Variants in SS18 observed in about 807,000 individuals in gnomAD.
The protein encoded by SS18 is protein SSXT.
SS18 carries 28 observed loss-of-function variants against 72.5 expected under a neutral mutation model. The ratio of observed to expected loss-of-function variants is 0.39; its 90% CI spans 0.29 to 0.53. The LOEUF is 0.53. Ranked by LOEUF, SS18 falls within the 20% of genes least tolerant of loss-of-function variation. SS18 has a pLI of 0.76. For synonymous variants in SS18, 172 were observed against 164.2 expected (o/e 1.05, Z -0.37); for missense variants, 518 against 535.3 (o/e 0.97, Z 0.32).
chr18:26,016,826 T>C lies in SS18; in HGVS notation c.*1528A>G, dbSNP rs748449049. 3 of 231,510 alleles carry C rather than the reference T, an allele frequency of 1.3e-5. No homozygotes were observed. The highest frequency in any genetic ancestry group is 2.6e-5 in the Non-Finnish European group (3 of 116,818). The allele number at this position is 231,510 out of a possible 1,614,324, so 14.3% of individuals were successfully genotyped here. A position where few individuals can be genotyped will look rare whatever the true frequency, so the allele number is the denominator to read the frequency against. Reference sequence around the variant, plus strand: ...CTCTCATACACACACAGAGACCCACTGAAATTCCTCCTTTTGATTACAGTA... The same window carrying C: ...CTCTCATACACACACAGAGACCCACCGAAATTCCTCCTTTTGATTACAGTA... On this transcript the variant is annotated 3_prime_UTR_variant, in exon 11 of 11. Transcript: ENST00000415083.
In SS18 at chr18:26,057,657, G is replaced by A; in HGVS notation, c.317C>T (p.Ser106Leu). 1 of 1,614,168 alleles carries A rather than the reference G, an allele frequency of 6.2e-7. No individual in the cohort carries two copies. Among genetic ancestry groups the A allele is most frequent in the Non-Finnish European group, 8.5e-7 (1 of 1,180,026 alleles). The change falls in exon 4 of 11, where the codon TCA (serine) becomes TTA (leucine). Residue 106 changes from serine (S) to leucine (L), a missense_variant. Ser to Leu is a moderately radical substitution (Grantham distance 145, BLOSUM62 -2). Transcript: ENST00000415083. ...AGGACCCCCACCTACCATTCCATCT[G>A]AAGGCATGTTGTGAGAGCGTGGAGG... ...PPPPRSHNMP[S>L]DGMVGGGPPA...
intron 10 of SS18, among the ~76,000 whole-genome samples, chr18:26,027,703 A>AGCC (rs59848344): frequency 8.0e-6 from 1 of 124,698 alleles, no homozygotes; most frequent in Admixed American, 7.8e-5. Context: ...AAAAAAAAAA[A>AGCC]AGTCTTTTCA....
intron 2 of SS18, among the ~76,000 whole-genome samples, chr18:26,085,095 T>A (rs1210789000): frequency 6.6e-6 from 1 of 152,224 alleles, no homozygotes; most frequent in Non-Finnish European, 1.5e-5. Flanking sequence ...GGCTATGTAA[T>A]CGTTTGAAAA....
chr18:26,054,554 T>A (rs982399881), intron 4 of SS18, among the ~76,000 whole-genome samples: 6 of 151,938 alleles, frequency 3.9e-5, no homozygotes, highest in Non-Finnish European at 5.9e-5. Flanking sequence ...AAAAAGAACA[T>A]GATAGAGACC....
At chr18:26,080,314 T>TC in intron 2 of SS18, 1 of 985,140 alleles carries the variant, frequency 1.0e-6, no homozygotes, top group Non-Finnish European at 1.2e-6. Context: ...CCTGTTTCAG[T>TC]CTAGGCCTTC....
rs61731053 is a variant in SS18, at chr18:26,039,344, T to A, written c.720A>T (p.Gln240His). Residue 240 changes from glutamine to histidine, a missense_variant, in exon 6 of 11, where the codon CAA becomes CAT. Coordinates refer to ENST00000415083, the MANE Select transcript of SS18 (RefSeq NM_001007559.3). ...PPMGMMGQVN[Q>H]GNHMMGQRQI... ...GTCTCTGACCCATCATATGATTGCCTTGGTTAACTTGACCCATCATTCCCA... is the reference window on the plus strand; with the variant it reads ...GTCTCTGACCCATCATATGATTGCCATGGTTAACTTGACCCATCATTCCCA... 1 of 1,613,870 alleles carries A rather than the reference T, an allele frequency of 6.2e-7. No homozygotes were observed. Among genetic ancestry groups the A allele is most frequent in the Admixed American group, 1.7e-5 (1 of 59,988 alleles).
chr18:26,041,624 A>G (rs2053725325), intron 5 of SS18, among the ~76,000 whole-genome samples: 1 of 152,200 alleles, frequency 6.6e-6, no homozygotes, highest in Non-Finnish European at 1.5e-5. Flanking sequence ...TTTTCAGTAA[A>G]TGAAGGTTTT....
chr18:26,030,228 T>A lies in SS18; in HGVS notation c.1230+2171A>T, dbSNP rs368606351. 5.1e-4 allele frequency among the ~76,000 whole-genome samples: 77 copies of A among 152,298 alleles called. 3 individuals are homozygous for A. The East Asian group carries it at 8.9e-3, about 18-fold the overall frequency. On this transcript the variant is annotated intron_variant, in intron 10 of 10. Coordinates refer to ENST00000415083, the MANE Select transcript of SS18 (RefSeq NM_001007559.3). ...ACCTCTCTCCAGTCTTGTCTCTTCT[T>A]CCCCATGCTTCTGCTTTACTGAACT... is the stretch of plus-strand genomic sequence containing the variant.
chr18:26,067,010 A>G (rs1180908363), intron 3 of SS18, among the ~76,000 whole-genome samples: 2 of 152,214 alleles, frequency 1.3e-5, no homozygotes, highest in Non-Finnish European at 2.9e-5. Context: ...TTGGTATATA[A>G]AAAGTTTTGT....
chr18:26,080,754 A>C (rs1219053042), intron 2 of SS18, among the ~76,000 whole-genome samples: 1 of 152,166 alleles, frequency 6.6e-6, no homozygotes, highest in Non-Finnish European at 1.5e-5. Flanking sequence ...GTATTTTACC[A>C]CATTTTTCCT....
chr18:26,056,633 C>T (rs1433101008), intron 4 of SS18, among the ~76,000 whole-genome samples: 1 of 152,208 alleles, frequency 6.6e-6, no homozygotes, highest in Non-Finnish European at 1.5e-5. Flanking sequence ...GACACCAATG[C>T]TATCAATCAA....
At chr18:26,067,880 G>C (rs939307706) in intron 3 of SS18, among the ~76,000 whole-genome samples, 1 of 152,188 alleles carries the variant, frequency 6.6e-6, no homozygotes, top group African/African-American at 2.4e-5. Context: ...CCGGATGGTG[G>C]GAGGGGCAGG....
chr18:26,065,886 T>C (rs1425210741), intron 3 of SS18, among the ~76,000 whole-genome samples: 1 of 146,510 alleles, frequency 6.8e-6, no homozygotes, highest in African/African-American at 2.5e-5. Context: ...AATTTAAAAA[T>C]GGGCAGAAAA....
At chr18:26,090,263 G>A (rs1320633265) in intron 1 of SS18, 1 of 544,686 alleles carries the variant, frequency 1.8e-6, no homozygotes, top group Non-Finnish European at 3.2e-6. Context: ...GCGGCTGTTT[G>A]GGCTTTTGTG....
rs73403595 is a variant in SS18, at chr18:26,087,461, C to T, written c.146+40G>A. 2.4e-3 allele frequency: 2,926 copies of T among 1,205,994 alleles called. 51 individuals are homozygous for T. The African/African-American group carries it at 0.04, about 17-fold the overall frequency. 74.7% of individuals were successfully genotyped at this position (1,205,994 alleles called of 1,614,324 possible). The stretch of plus-strand genomic sequence containing the variant: ...GTAAAAAGTAAAAAATTAACCAATA[C>T]AAAAAACTGAATAAAAAAAAAGTTT... On this transcript the variant is annotated intron_variant, in intron 2 of 10. Coordinates refer to ENST00000415083, the MANE Select transcript of SS18 (RefSeq NM_001007559.3).
intron 10 of SS18, among the ~76,000 whole-genome samples, chr18:26,029,110 T>C (rs9956166): frequency 0.055 from 8,413 of 152,134 alleles, 683 homozygotes; most frequent in African/African-American, 0.18. Flanking sequence ...GGGCAGCAAA[T>C]ACAAAGATTC....
rs542560504 is a variant in SS18, at chr18:26,057,205, T to A, written c.385+384A>T. Among the ~76,000 whole-genome samples, 312 of 152,358 alleles carry A rather than the reference T, an allele frequency of 2.0e-3. 1 individual carries two copies. Among genetic ancestry groups the A allele is most frequent in the African/African-American group, 7.4e-3 (306 of 41,582 alleles). ...TTTCCCAGTGATACTGTTTCTGAGA[T>A]CAATCAATATTTAAGTAAATAAAAA... On this transcript the variant is annotated intron_variant, in intron 4 of 10. Transcript: ENST00000415083.
At chr18:26,088,893 A>AC (rs2054664617) in intron 1 of SS18, among the ~76,000 whole-genome samples, 1 of 152,098 alleles carries the variant, frequency 6.6e-6, no homozygotes. Context: ...GAAAAAAAAA[A>AC]CCACTAACAT....
In SS18 at chr18:26,038,607, A is replaced by G; in HGVS notation, c.828T>C (p.Ser276=). The change falls in exon 7 of 11, where the codon AGT becomes AGC. Residue 276 remains serine (S), a synonymous_variant. Transcript: ENST00000415083. ...GQEDYYGDQY[S]HGGQGPPEGM... is the part of the protein sequence containing the mutation. ...CTTCTGGAGGACCTTGTCCACCATG[A>G]CTGTATTGGTCCCCGTAATAGTCTT... 1 of 1,613,608 alleles carries G rather than the reference A, an allele frequency of 6.2e-7. No homozygotes were observed. The highest frequency in any genetic ancestry group is 8.5e-7 in the Non-Finnish European group (1 of 1,179,614).
Sources: allele counts gnomAD v4.1 joint callset (sites outside exome capture counted in the v4.1 genomes callset), GRCh38; gene constraint gnomAD v4.1.1; transcripts MANE v1.5; gene names NCBI Gene and HGNC (gene_info 2026-07-23, HGNC 2026-07-21).